GOLGB1: variants seen among roughly 807,000 people sequenced by gnomAD.
GOLGB1 encodes golgin B1, also known as golgin subfamily B member 1.
A neutral mutation model predicts 336.9 loss-of-function variants in GOLGB1; 174 were observed. That is an observed-to-expected ratio of 0.52 (90% confidence interval 0.46 to 0.59). The LOEUF is 0.59. Ranked by LOEUF, GOLGB1 falls within the 20% of genes least tolerant of loss-of-function variation. The pLI, the probability that GOLGB1 is intolerant of heterozygous loss-of-function variation, is 0.00. For missense variants in GOLGB1, 3,331 were observed against 3,645.3 expected (o/e 0.91, Z 2.22); for synonymous variants, 1,208 against 1,289.2 (o/e 0.94, Z 1.35).
At chr3:121,732,263 A>C (rs1228346524) in intron 1 of GOLGB1, among the ~76,000 whole-genome samples, 1 of 152,208 alleles carries the variant, frequency 6.6e-6, no homozygotes, top group African/African-American at 2.4e-5. Flanking sequence ...ACTCCAGATC[A>C]AGGTGGCTTC....
chr3:121,668,053 TC>T lies in GOLGB1; in HGVS notation c.9419+7del. On this transcript the variant is annotated splice_region_variant and intron_variant, in intron 19 of 21. Transcript: ENST00000614479. ...TATGCTCCAGGGTTTAGAGAGCCAC[TC>T]CCCTACCTTTGCTGCGGTTCCCTTA... 1 of 1,516,050 alleles carries T rather than the reference TC, an allele frequency of 6.6e-7. No individual in the cohort carries two copies. Among genetic ancestry groups the T allele is most frequent in the Non-Finnish European group, 9.1e-7 (1 of 1,104,610 alleles). The allele number at this position is 1,516,050 out of a possible 1,614,324, so 93.9% of individuals were successfully genotyped here. A position where few individuals can be genotyped will look rare whatever the true frequency, so the allele number is the denominator to read the frequency against.
chr3:121,713,351 G>A (rs78052831), intron 10 of GOLGB1, among the ~76,000 whole-genome samples: 1,620 of 152,216 alleles, frequency 0.011, 18 homozygotes, highest in South Asian at 0.025. Context: ...AATAGCCAAA[G>A]CATGAAAAAG....
chr3:121,670,272 T>G lies in GOLGB1; in HGVS notation c.9178-917A>C, dbSNP rs1576259067. Reference sequence around the variant, plus strand: ...CTCCAAGTTATCTACTCTAGGACCATGTACATTATATGAGAGGAACCCAGT... The same window carrying G: ...CTCCAAGTTATCTACTCTAGGACCAGGTACATTATATGAGAGGAACCCAGT... On this transcript the variant is annotated intron_variant, in intron 17 of 21. Coordinates refer to ENST00000614479, the MANE Select transcript of GOLGB1 (RefSeq NM_001366282.2). 2.0e-5 allele frequency among the ~76,000 whole-genome samples: 3 copies of G among 152,170 alleles called. No homozygotes were observed. In the South Asian group the frequency reaches 6.2e-4, roughly 32 times the overall value.
rs1203607494 is a variant in GOLGB1 at position 121,692,196 on chromosome 3, T to C, written c.7168A>G (p.Ile2390Val). The C allele has an allele frequency of 1.2e-6, 2 of 1,601,402 alleles. No homozygotes were observed. Among genetic ancestry groups the C allele is most frequent in the African/African-American group, 1.4e-5 (1 of 73,816 alleles). ...EEINMKEQKI[I>V]SLLSGKEEAI... Reference sequence around the variant, plus strand: ...TCTTCCTTGCCAGAAAGCAGGCTTATAATCTTTTGCTCTTTCATATTTATT... The same window carrying C: ...TCTTCCTTGCCAGAAAGCAGGCTTACAATCTTTTGCTCTTTCATATTTATT... The change falls in exon 14 of 22, where the codon ATA becomes GTA. Residue 2390 changes from isoleucine to valine, a missense_variant. Transcript: ENST00000614479.
In GOLGB1 at chr3:121,696,652, G is replaced by C; in HGVS notation, c.3871C>G (p.Pro1291Ala). The change falls in exon 13 of 22, where the codon CCA becomes GCA. Residue 1291 changes from proline to alanine, a missense_variant. Physicochemically the swap from Pro to Ala is conservative, Grantham distance 27 (BLOSUM62 -1). Coordinates refer to ENST00000614479, the MANE Select transcript of GOLGB1 (RefSeq NM_001366282.2). ...TCTTCAGAATGAGAAGGCCAGTCTGGGCACAAGTTGGACTCTAAAACAGGT... is the reference window on the plus strand; with the variant it reads ...TCTTCAGAATGAGAAGGCCAGTCTGCGCACAAGTTGGACTCTAAAACAGGT... ...TQPVLESNLC[P>A]DWPSHSEDAS... 1 of 1,614,078 alleles carries C rather than the reference G, an allele frequency of 6.2e-7. No homozygotes were observed. The highest frequency in any genetic ancestry group is 8.5e-7 in the Non-Finnish European group (1 of 1,180,004).
rs201686560 is a variant in GOLGB1, at chr3:121,669,396, T to C, written c.9178-41A>G. 98 of 1,528,246 alleles carry C rather than the reference T, an allele frequency of 6.4e-5. No individual in the cohort carries two copies. In the East Asian group the frequency reaches 1.9e-3, roughly 30 times the overall value. 94.7% of individuals were successfully genotyped at this position (1,528,246 alleles called of 1,614,324 possible). A position where few individuals can be genotyped will look rare whatever the true frequency, so the allele number is the denominator to read the frequency against. On this transcript the variant is annotated intron_variant, in intron 17 of 21. Transcript: ENST00000614479. ...GGATAAGCATCATCCTGCAGTACTG[T>C]AAGCAGTGCTGAGGTGAAATGTTCT...
Position 121,697,917 on chromosome 3 carries a change from A to G in GOLGB1, c.2606T>C (p.Leu869Pro). 1 of 1,614,022 alleles carries G rather than the reference A, an allele frequency of 6.2e-7. No homozygotes were observed. Among genetic ancestry groups the G allele is most frequent in the Non-Finnish European group, 8.5e-7 (1 of 1,179,904 alleles). The change falls in exon 13 of 22, where the codon CTG (leucine) becomes CCG (proline). Residue 869 changes from leucine (L) to proline (P), a missense_variant. Coordinates refer to ENST00000614479, the MANE Select transcript of GOLGB1 (RefSeq NM_001366282.2). ...TTCCTTCTGTGAAAGAGCCTGGGACAGTTCTTCCACTTTACTTGAGATATG... is the reference window on the plus strand; with the variant it reads ...TTCCTTCTGTGAAAGAGCCTGGGACGGTTCTTCCACTTTACTTGAGATATG... ...VRHISSKVEE[L>P]SQALSQKELE... is the part of the protein sequence containing the mutation.
At chr3:121,710,599 G>A (rs773808795) in intron 10 of GOLGB1, among the ~76,000 whole-genome samples, 1 of 152,152 alleles carries the variant, frequency 6.6e-6, no homozygotes, top group Non-Finnish European at 1.5e-5. Flanking sequence ...AGCATTTTGG[G>A]AGGCCAAGGG....
chr3:121,696,741 G>C lies in GOLGB1; in HGVS notation c.3782C>G (p.Ser1261Trp). Residue 1261 changes from serine (S) to tryptophan (W), a missense_variant, in exon 13 of 22, where the codon TCG becomes TGG. By Grantham distance (177) the Ser-to-Trp change is radical. Transcript: ENST00000614479. ...GKLPSTDQQE[S>W]CSSTPGLEEP... The stretch of plus-strand genomic sequence containing the variant: ...TTCTAAACCTGGAGTGGAAGAACAC[G>C]ATTCCTGCTGGTCTGTGCTTGGGAG... The C allele has an allele frequency of 1.9e-6, 3 of 1,614,102 alleles. No homozygotes were observed. The highest frequency in any genetic ancestry group is 2.5e-6 in the Non-Finnish European group (3 of 1,179,970).
At position 121,691,448 on chromosome 3, in the gene GOLGB1, A is replaced by G. The variant is rs755862619; in HGVS notation, c.7916T>C (p.Leu2639Ser). Residue 2639 changes from leucine to serine, a missense_variant, in exon 14 of 22, where the codon TTA becomes TCA. By Grantham distance (145) the Leu-to-Ser change is moderately radical. Coordinates refer to ENST00000614479, the MANE Select transcript of GOLGB1 (RefSeq NM_001366282.2). ...EGTLGLYHAQ[L>S]KVKEEEVHRL... The stretch of plus-strand genomic sequence containing the variant: ...GTGTACCTCTTCTTCTTTTACTTTT[A>G]ACTGGGCATGATAGAGTCCTAAAGT... 6 of 1,613,792 alleles carry G rather than the reference A, an allele frequency of 3.7e-6. No homozygotes were observed. Among genetic ancestry groups the G allele is most frequent in the Non-Finnish European group, 5.1e-6 (6 of 1,179,978 alleles).
chr3:121,664,863 C>T, intron 21 of GOLGB1, 63 bp downstream of exon 21: 3 of 1,006,398 alleles, frequency 3.0e-6, no homozygotes, highest in Non-Finnish European at 3.2e-6. Context: ...CAGCTCCTTG[C>T]CCCCAGTATA....
In GOLGB1 at chr3:121,688,599, C is replaced by G. The variant is rs1187143011; in HGVS notation, c.8694+2071G>C. 2.6e-5 allele frequency among the ~76,000 whole-genome samples: 4 copies of G among 152,174 alleles called. No individual in the cohort carries two copies. In the East Asian group the frequency reaches 7.7e-4, roughly 29 times the overall value. On this transcript the variant is annotated intron_variant, in intron 14 of 21. Transcript: ENST00000614479. ...AGTGCCGAGAGTGCAGCCTCTGCCC[C>G]GCCGCCACCCCGTCTGGGAAGTGAG...
At chr3:121,673,073 G>GTT (rs368721459) in intron 17 of GOLGB1, among the ~76,000 whole-genome samples, 33 of 140,962 alleles carry the variant, frequency 2.3e-4, no homozygotes, top group South Asian at 1.8e-3. Flanking sequence ...TTGTTTTTTG[G>GTT]TTTTTTTTTT....
At chr3:121,704,004 A>G (rs1265194089) in intron 10 of GOLGB1, among the ~76,000 whole-genome samples, 1 of 152,158 alleles carries the variant, frequency 6.6e-6, no homozygotes, top group Non-Finnish European at 1.5e-5. Context: ...AATATCTGAA[A>G]TGAAAATTTC....
At chr3:121,729,458 G>A in intron 3 of GOLGB1, 118 bp from the exon 4 acceptor site, 1 of 831,858 alleles carries the variant, frequency 1.2e-6, no homozygotes, top group South Asian at 1.8e-5. Context: ...CTGTTACCAG[G>A]GCTGGAGTGC....
At chr3:121,734,609 C>T (rs1408786992) in intron 1 of GOLGB1, among the ~76,000 whole-genome samples, 2 of 152,056 alleles carry the variant, frequency 1.3e-5, no homozygotes, top group Non-Finnish European at 2.9e-5. Context: ...TGAAAAGATG[C>T]TTAAGTTAAT....
intron 17 of GOLGB1, among the ~76,000 whole-genome samples, chr3:121,675,069 C>T (rs893927557): frequency 2.0e-5 from 3 of 151,518 alleles, no homozygotes; most frequent in Admixed American, 6.6e-5. Flanking sequence ...ATCTCCTGAC[C>T]TCATGATCCA....
At chr3:121,744,618 C>CAA (rs200070177) in intron 1 of GOLGB1, among the ~76,000 whole-genome samples, 11,388 of 59,698 alleles carry the variant, frequency 0.19, 667 homozygotes, top group South Asian at 0.25. Flanking sequence ...GACCTTGTCT[C>CAA]AAAAAAAAAA....
Position 121,681,743 on chromosome 3 carries a change from C to T in GOLGB1, c.8817G>A (p.Met2939Ile). 6.2e-7 allele frequency: 1 copy of T among 1,612,908 alleles called. No individual in the cohort carries two copies. The highest frequency in any genetic ancestry group is 8.5e-7 in the Non-Finnish European group (1 of 1,179,004). The change falls in exon 15 of 22, where the codon ATG becomes ATA. Residue 2939 changes from methionine to isoleucine, a missense_variant. By Grantham distance (10) the Met-to-Ile change is conservative. Coordinates refer to ENST00000614479, the MANE Select transcript of GOLGB1 (RefSeq NM_001366282.2). The part of the protein sequence containing the change: ...YQDKTKAFQI[M>I]QEELRQENLS... ...GGTTTTCCTGCCTGAGCTCTTCTTG[C>T]ATAATCTGAAATGCTTTTGTCTTAT... is the stretch of plus-strand genomic sequence containing the variant.
Sources: gnomAD v4.1 joint callset for allele counts (sites outside exome capture counted in the v4.1 genomes callset) on GRCh38, gnomAD v4.1.1 for gene constraint, MANE v1.5 for transcripts, NCBI Gene and HGNC (gene_info 2026-07-23, HGNC 2026-07-21) for gene names.